Variants in TSHZ2 observed in about 807,000 individuals in gnomAD.
TSHZ2 encodes the protein teashirt zinc finger homeobox 2.
TSHZ2 carries 21 observed loss-of-function variants against 74.4 expected under a neutral mutation model. That is an observed-to-expected ratio of 0.28 (90% confidence interval 0.20 to 0.41). The LOEUF is 0.41. Ranked by LOEUF, TSHZ2 falls within the 10% of genes least tolerant of loss-of-function variation. The pLI, the probability that TSHZ2 is intolerant of heterozygous loss-of-function variation, is 1.00. For missense variants in TSHZ2, 1,244 were observed against 1,293.5 expected, an observed-to-expected ratio of 0.96 and a Z score of 0.59; for synonymous variants, 540 against 515.3, an observed-to-expected ratio of 1.05 and a Z score of -0.65.
chr20:53,095,897 A>T (rs2123275910), intron 1 of TSHZ2, among the ~76,000 whole-genome samples: 1 of 152,292 alleles, frequency 6.6e-6, no homozygotes, highest in African/African-American at 2.4e-5. Flanking sequence ...CACCAGGGAA[A>T]TAATACTAAA....
chr20:53,068,318 G>A (rs1248834170), intron 1 of TSHZ2, among the ~76,000 whole-genome samples: 1 of 152,002 alleles, frequency 6.6e-6, no homozygotes, highest in Admixed American at 6.6e-5. Context: ...AGTCCTGCTT[G>A]TCTCTTTGGC....
chr20:53,160,795 A>G (rs916518463), intron 1 of TSHZ2, among the ~76,000 whole-genome samples: 3 of 150,564 alleles, frequency 2.0e-5, no homozygotes, highest in Non-Finnish European at 4.4e-5. Context: ...TAGATGAACC[A>G]TGTGGCAAAC....
chr20:53,326,844 A>G (rs1036033457), intron 2 of TSHZ2, among the ~76,000 whole-genome samples: 2 of 152,250 alleles, frequency 1.3e-5, no homozygotes, highest in Non-Finnish European at 2.9e-5. Flanking sequence ...AAAATCTTAC[A>G]CTACCTGCCT....
Position 53,007,737 on chromosome 20 carries a change from CGT to C in TSHZ2, c.40+34423_40+34424del, listed in dbSNP as rs35218931. 1.5e-3 allele frequency among the ~76,000 whole-genome samples: 221 copies of C among 148,042 alleles called. 3 individuals are homozygous for C. Among genetic ancestry groups the C allele is most frequent in the East Asian group, 4.4e-3 (22 of 4,944 alleles). On this transcript the variant is annotated intron_variant, in intron 1 of 2. Transcript: ENST00000371497. ...ATACTCGTGTGTGTGTATGTATATT[CGT>C]GTGTGTGTGTGTGTGTGTTTGTATT...
At chr20:52,973,370 C>T in intron 1 of TSHZ2, 37 bp downstream of exon 1, 1 of 1,548,806 alleles carries the variant, frequency 6.5e-7, no homozygotes, top group East Asian at 2.5e-5. Flanking sequence ...CTGCCCTGTG[C>T]GCCGAGCTCC....
At chr20:53,378,962 C>T (rs1600592296) in intron 2 of TSHZ2, among the ~76,000 whole-genome samples, 1 of 152,144 alleles carries the variant, frequency 6.6e-6, no homozygotes, top group African/African-American at 2.4e-5. Flanking sequence ...GTTTCCTATC[C>T]CATCCTGGCT....
chr20:53,237,466 C>T (rs778498329), intron 1 of TSHZ2, among the ~76,000 whole-genome samples: 2 of 151,256 alleles, frequency 1.3e-5, no homozygotes, highest in Non-Finnish European at 2.9e-5. Context: ...ATTGACCATA[C>T]ATATATGCCC....
Position 53,078,740 on chromosome 20 carries a change from G to C in TSHZ2, c.40+105407G>C, listed in dbSNP as rs377394251. Among the ~76,000 whole-genome samples the C allele has an allele frequency of 8.5e-5, 13 of 152,256 alleles. No homozygotes were observed. In the South Asian group the frequency reaches 2.7e-3, roughly 32 times the overall value. ...AGATGTAGAGAAGTGGGTGGATTGA[G>C]ATAGATTTGGTGGTAAAAATCAATA... On this transcript the variant is annotated intron_variant, in intron 1 of 2. Coordinates refer to ENST00000371497, the MANE Select transcript of TSHZ2 (RefSeq NM_173485.6).
intron 1 of TSHZ2, among the ~76,000 whole-genome samples, chr20:53,109,197 A>G (rs1271467176): frequency 6.6e-6 from 1 of 152,192 alleles, no homozygotes; most frequent in African/African-American, 2.4e-5. Context: ...ATGAGCTTAA[A>G]TATAGTATCT....
At chr20:53,335,706 C>T (rs1042889671) in intron 2 of TSHZ2, among the ~76,000 whole-genome samples, 2 of 152,182 alleles carry the variant, frequency 1.3e-5, no homozygotes, top group African/African-American at 4.8e-5. Flanking sequence ...AACAAATGAG[C>T]TCATGGTTTC....
At chr20:53,410,381 T>C (rs1383404235) in intron 2 of TSHZ2, among the ~76,000 whole-genome samples, 1 of 152,034 alleles carries the variant, frequency 6.6e-6, no homozygotes, top group African/African-American at 2.4e-5. Flanking sequence ...AAGTTACTGA[T>C]GTAAGAAAAA....
rs530378079 is a variant in TSHZ2 at position 53,440,055 on chromosome 20, A to G, written c.*9-47089A>G. ...AATTTAAGGGATGCCATTACATGAAATAATAGGTAGGAAATGTAATCGAAA... is the reference window on the plus strand; with the variant it reads ...AATTTAAGGGATGCCATTACATGAAGTAATAGGTAGGAAATGTAATCGAAA... On this transcript the variant is annotated intron_variant, in intron 2 of 2. Coordinates refer to ENST00000371497, the MANE Select transcript of TSHZ2 (RefSeq NM_173485.6). Among the ~76,000 whole-genome samples, 4 of 152,304 alleles carry G rather than the reference A, an allele frequency of 2.6e-5. No homozygotes were observed. The East Asian group carries it at 7.7e-4, about 29-fold the overall frequency.
intron 2 of TSHZ2, among the ~76,000 whole-genome samples, chr20:53,374,414 C>T (rs1981587890): frequency 6.6e-6 from 1 of 152,134 alleles, no homozygotes; most frequent in Admixed American, 6.6e-5. Context: ...AGGTTGATCC[C>T]ATGTCTTTAC....
rs773197848 is a variant in TSHZ2 at position 53,103,487 on chromosome 20, ATTGT to A, written c.40+130158_40+130161del. Among the ~76,000 whole-genome samples the A allele has an allele frequency of 7.2e-5, 11 of 152,218 alleles. No individual in the cohort carries two copies. In the South Asian group the frequency reaches 8.3e-4, roughly 11 times the overall value. ...AAATGTCATTCCAAAACTAGAAGAA[ATTGT>A]TTGGGGGGAAATATTTTGTCTAATT... On this transcript the variant is annotated intron_variant, in intron 1 of 2. Transcript: ENST00000371497.
chr20:53,113,570 G>T (rs1986591450), intron 1 of TSHZ2, among the ~76,000 whole-genome samples: 1 of 152,140 alleles, frequency 6.6e-6, no homozygotes, highest in Non-Finnish European at 1.5e-5. Context: ...TTAGATAATA[G>T]GAGTAAATAG....
intron 2 of TSHZ2, among the ~76,000 whole-genome samples, chr20:53,415,073 G>A (rs888959636): frequency 2.6e-5 from 4 of 152,118 alleles, no homozygotes; most frequent in Non-Finnish European, 4.4e-5. Flanking sequence ...AGGTGGCAGC[G>A]AATCAAGATA....
At chr20:53,294,660 G>A (rs6013656) in intron 2 of TSHZ2, among the ~76,000 whole-genome samples, 27,937 of 152,028 alleles carry the variant, frequency 0.18, 2,628 homozygotes, top group Middle Eastern at 0.33. Flanking sequence ...CATTTAAAAA[G>A]CATTTAATTG....
chr20:53,326,373 T>C (rs1410976863), intron 2 of TSHZ2, among the ~76,000 whole-genome samples: 1 of 152,208 alleles, frequency 6.6e-6, no homozygotes, highest in Non-Finnish European at 1.5e-5. Flanking sequence ...GTTGCACTAT[T>C]AATAGATAAG....
At chr20:53,269,835 G>A (rs1990797782) in intron 2 of TSHZ2, among the ~76,000 whole-genome samples, 1 of 151,544 alleles carries the variant, frequency 6.6e-6, no homozygotes, top group Non-Finnish European at 1.5e-5. Context: ...CATTGATATT[G>A]ACAGAGAACT....
Sources: gnomAD v4.1 joint callset for allele counts (sites outside exome capture counted in the v4.1 genomes callset) on GRCh38, gnomAD v4.1.1 for gene constraint, MANE v1.5 for transcripts, NCBI Gene and HGNC (gene_info 2026-07-23, HGNC 2026-07-21) for gene names.